NRF1: variants seen among roughly 807,000 people sequenced by gnomAD.
NRF1 encodes the protein nuclear respiratory factor 1.
A neutral mutation model predicts 58.5 loss-of-function variants in NRF1; 5 were observed. The observed-to-expected ratio is 0.09, with a 90% CI of 0.04 to 0.18. The LOEUF (loss-of-function observed/expected upper bound fraction) is 0.18. Among genes scored for constraint, NRF1 ranks in the 10% least tolerant of loss-of-function variants. The pLI is 1.00. For synonymous variants in NRF1, 224 were observed against 246.7 expected (o/e 0.91, Z 0.86); for missense variants, 288 against 657.7 (o/e 0.44, Z 6.15).
intron 10 of NRF1, among the ~76,000 whole-genome samples, chr7:129,745,540 T>C (rs746206481): frequency 8.4e-6 from 1 of 119,652 alleles, no homozygotes; most frequent in Non-Finnish European, 1.6e-5. Context: ...CTGTCTTCCA[T>C]GAAACTAGTC....
At chr7:129,701,430 T>A (rs1270928508) in intron 5 of NRF1, among the ~76,000 whole-genome samples, 1 of 151,788 alleles carries the variant, frequency 6.6e-6, no homozygotes, top group Non-Finnish European at 1.5e-5. Flanking sequence ...AAACCCCGTC[T>A]CTACTAAAAA....
intron 5 of NRF1, among the ~76,000 whole-genome samples, chr7:129,694,523 C>A (rs945589551): frequency 2.6e-5 from 4 of 152,090 alleles, no homozygotes; most frequent in African/African-American, 9.7e-5. Context: ...CGCCACCATG[C>A]CTGGCTAATT....
chr7:129,679,543 A>C (rs951329761), intron 4 of NRF1, among the ~76,000 whole-genome samples: 2 of 152,152 alleles, frequency 1.3e-5, no homozygotes, highest in African/African-American at 4.8e-5. Context: ...AATATGGTGA[A>C]ACCCCATCTC....
chr7:129,708,916 G>C (rs1239445448), intron 5 of NRF1, among the ~76,000 whole-genome samples, 159 bp from the exon 6 acceptor site: 1 of 152,162 alleles, frequency 6.6e-6, no homozygotes, highest in Non-Finnish European at 1.5e-5. Context: ...TGGAGATATA[G>C]GAACCTATGG....
chr7:129,676,332 G>T (rs907092524), intron 3 of NRF1, among the ~76,000 whole-genome samples: 2 of 152,228 alleles, frequency 1.3e-5, no homozygotes, highest in Non-Finnish European at 2.9e-5. Context: ...GCCTATCTTG[G>T]CTTTCAACAT....
At position 129,612,071 on chromosome 7, in the gene NRF1, C is replaced by T. The variant is rs1800543899; in HGVS notation, c.-7+247C>T. ...CGTCCTGGCGGGCTCGGGAGGGAGG[C>T]GCTGCCCTCCCGAGAGCCCCAGGGT... On this transcript the variant is annotated intron_variant, in intron 1 of 10. Transcript: ENST00000393232. Among the ~76,000 whole-genome samples, 4 of 150,276 alleles carry T rather than the reference C, an allele frequency of 2.7e-5. No homozygotes were observed. The South Asian group carries it at 8.3e-4, about 31-fold the overall frequency.
chr7:129,751,638 C>T (rs1026882494), intron 10 of NRF1, among the ~76,000 whole-genome samples: 1 of 151,926 alleles, frequency 6.6e-6, no homozygotes, highest in African/African-American at 2.4e-5. Context: ...GATCTCCCTG[C>T]ACACTGTAGT....
intron 3 of NRF1, among the ~76,000 whole-genome samples, chr7:129,676,189 A>G (rs1303604260): frequency 1.3e-5 from 2 of 152,246 alleles, no homozygotes; most frequent in African/African-American, 2.4e-5. Flanking sequence ...AACTTTCTCC[A>G]TATCAGCAAT....
chr7:129,685,556 AGTGTGTGTGT>A lies in NRF1; in HGVS notation c.466-4811_466-4802del, dbSNP rs67721424. Among the ~76,000 whole-genome samples, 829 of 143,090 alleles carry A rather than the reference AGTGTGTGTGT, an allele frequency of 5.8e-3. 6 individuals are homozygous for A. The highest frequency in any genetic ancestry group is 0.017 in the African/African-American group (640 of 37,432). The allele number at this position is 143,090 out of a possible 152,430, so 93.9% of individuals were successfully genotyped here. ...AACATGTAAGACCCTGTCTCATTCA[AGTGTGTGTGT>A]GTGTGTGTGTGTGTGTGTGTGTGTG... On this transcript the variant is annotated intron_variant, in intron 4 of 10. Coordinates refer to ENST00000393232, the MANE Select transcript of NRF1 (RefSeq NM_005011.5).
intron 3 of NRF1, among the ~76,000 whole-genome samples, chr7:129,674,573 ATAGG>A (rs900357658): frequency 6.6e-6 from 1 of 152,024 alleles, no homozygotes; most frequent in Non-Finnish European, 1.5e-5. Flanking sequence ...AGTTGGGACA[ATAGG>A]TGCATGTCAC....
At chr7:129,692,766 C>T (rs1802600739) in intron 5 of NRF1, among the ~76,000 whole-genome samples, 1 of 152,070 alleles carries the variant, frequency 6.6e-6, no homozygotes, top group Non-Finnish European at 1.5e-5. Flanking sequence ...CCACTGTAGC[C>T]CTCTTTTCCT....
rs189885711 is a variant in NRF1, at chr7:129,721,252, T to G, written c.1223+3876T>G. 1.1e-4 allele frequency among the ~76,000 whole-genome samples: 16 copies of G among 152,252 alleles called. No individual in the cohort carries two copies. In the East Asian group the frequency reaches 3.1e-3, roughly 29 times the overall value. Reference sequence around the variant, plus strand: ...ATGTAGAGATCATGATTTGGCTTTGTAGACTTACTCTACGTTTCTAAAGTA... The same window carrying G: ...ATGTAGAGATCATGATTTGGCTTTGGAGACTTACTCTACGTTTCTAAAGTA... On this transcript the variant is annotated intron_variant, in intron 9 of 10. Transcript: ENST00000393232.
chr7:129,652,985 C>T (rs1801571548), intron 1 of NRF1, among the ~76,000 whole-genome samples: 1 of 152,200 alleles, frequency 6.6e-6, no homozygotes, highest in Non-Finnish European at 1.5e-5. Context: ...AATTTACCAT[C>T]ATAATCATTT....
intron 1 of NRF1, among the ~76,000 whole-genome samples, chr7:129,615,339 T>C (rs1455181065): frequency 2.6e-5 from 4 of 152,260 alleles, no homozygotes; most frequent in African/African-American, 9.6e-5. Context: ...ATGTCTACTT[T>C]AACCTCAAGA....
At chr7:129,692,537 A>T (rs568634307) in intron 5 of NRF1, among the ~76,000 whole-genome samples, 1 of 152,292 alleles carries the variant, frequency 6.6e-6, no homozygotes, top group South Asian at 2.1e-4. Flanking sequence ...TAGGTGACAG[A>T]GCGAGATCCT....
At chr7:129,696,586 C>T (rs1160052081) in intron 5 of NRF1, among the ~76,000 whole-genome samples, 1 of 152,180 alleles carries the variant, frequency 6.6e-6, no homozygotes, top group Non-Finnish European at 1.5e-5. Context: ...TAATTTATGG[C>T]TTCCTTGAAG....
intron 1 of NRF1, among the ~76,000 whole-genome samples, chr7:129,645,065 CAT>C (rs1801374667): frequency 6.6e-6 from 1 of 150,666 alleles, no homozygotes; most frequent in African/African-American, 2.4e-5. Flanking sequence ...AAAAAAAAAT[CAT>C]GTAACTGTCC....
At chr7:129,619,407 TATATATATATATATATATATATATATAC>T (rs1274408247) in intron 1 of NRF1, among the ~76,000 whole-genome samples, 1 of 74,718 alleles carries the variant, frequency 1.3e-5, no homozygotes, top group Non-Finnish European at 2.4e-5. Context: ...TATATATATA[TATATATATATATATATATATATATATAC>T]ACACACACAC....
chr7:129,705,852 G>A (rs1373894143), intron 5 of NRF1, among the ~76,000 whole-genome samples: 2 of 152,076 alleles, frequency 1.3e-5, no homozygotes, highest in Non-Finnish European at 2.9e-5. Flanking sequence ...GAAACAGGAG[G>A]ATCCCTTGAG....
Sources: allele counts gnomAD v4.1 joint callset (sites outside exome capture counted in the v4.1 genomes callset), GRCh38; gene constraint gnomAD v4.1.1; transcripts MANE v1.5; gene names NCBI Gene and HGNC (gene_info 2026-07-23, HGNC 2026-07-21).